DMD: variants seen among roughly 807,000 people sequenced by gnomAD.
DMD encodes the protein mutant dystrophin.
A neutral mutation model predicts 330.1 loss-of-function variants in DMD; 63 were observed. The ratio of observed to expected loss-of-function variants is 0.19; its 90% CI spans 0.16 to 0.24. The LOEUF is 0.24. Ranked by LOEUF, DMD falls within the 10% of genes least tolerant of loss-of-function variation. The pLI is 1.00. For synonymous variants in DMD, 1,223 were observed against 959.8 expected (o/e 1.27, Z -5.07); for missense variants, 3,344 against 2,684.1 (o/e 1.25, Z -5.43).
At chrX:33,081,359 C>T (rs1274693947) in intron 1 of DMD, among the ~76,000 whole-genome samples, 5 of 111,762 alleles carry the variant, frequency 4.5e-5, no homozygotes, top group African/African-American at 1.6e-4. Context: ...CTGCAACCTC[C>T]GCCTCCTGGG....
At chrX:31,617,521 C>T (rs1159392883) in intron 55 of DMD, among the ~76,000 whole-genome samples, 4 of 75,456 alleles carry the variant, frequency 5.3e-5, no homozygotes, top group East Asian at 8.7e-4. Flanking sequence ...GGGACAAGAG[C>T]GAGACTTCGT....
At chrX:33,178,180 C>T (rs909728310) in intron 1 of DMD, among the ~76,000 whole-genome samples, 2 of 110,498 alleles carry the variant, frequency 1.8e-5, no homozygotes, top group East Asian at 2.8e-4. Context: ...CAGAAATATC[C>T]AGTGGGATTT....
intron 45 of DMD, 69 bp from the exon 46 acceptor site, chrX:31,932,296 A>T: frequency 1.2e-6 from 1 of 830,763 alleles, no homozygotes; most frequent in East Asian, 3.2e-5. Context: ...GTTAATGCAA[A>T]CTGGGACACA....
At chrX:32,715,442 AC>A (rs2065602686) in intron 7 of DMD, among the ~76,000 whole-genome samples, 1 of 95,035 alleles carries the variant, frequency 1.1e-5, no homozygotes, top group Non-Finnish European at 2.1e-5. Context: ...GTGCCACTGC[AC>A]ATCAGCCTGG....
chrX:31,270,722 A>G (rs1382915011), intron 62 of DMD, among the ~76,000 whole-genome samples: 1 of 112,039 alleles, frequency 8.9e-6, no homozygotes, highest in Non-Finnish European at 1.9e-5. Flanking sequence ...GAATTAAAGC[A>G]TGAGTGTGGC....
chrX:31,129,430 G>T (rs1196945297), intron 77 of DMD, among the ~76,000 whole-genome samples: 1 of 112,045 alleles, frequency 8.9e-6, no homozygotes, highest in Non-Finnish European at 1.9e-5. Flanking sequence ...CAGCACAGAA[G>T]CCTGTGACTC....
intron 2 of DMD, among the ~76,000 whole-genome samples, chrX:32,864,834 T>C (rs1231343842): frequency 8.9e-6 from 1 of 112,086 alleles, no homozygotes; most frequent in Non-Finnish European, 1.9e-5. Flanking sequence ...CTTAAGGCTA[T>C]ATAAATCAAA....
intron 7 of DMD, among the ~76,000 whole-genome samples, chrX:32,764,611 T>A (rs893133348): frequency 8.9e-6 from 1 of 112,026 alleles, no homozygotes; most frequent in Non-Finnish European, 1.9e-5. Flanking sequence ...CATGCTATAA[T>A]GTGTGTCAGA....
At chrX:32,849,481 A>G (rs1198789462) in intron 3 of DMD, among the ~76,000 whole-genome samples, 1 of 112,184 alleles carries the variant, frequency 8.9e-6, no homozygotes, top group Non-Finnish European at 1.9e-5. Context: ...TTGATAAGAT[A>G]GATACCAAGT....
intron 26 of DMD, among the ~76,000 whole-genome samples, chrX:32,450,747 G>C (rs1446064384): frequency 9.0e-6 from 1 of 110,791 alleles, no homozygotes; most frequent in Non-Finnish European, 1.9e-5. Flanking sequence ...GCATGCTGTA[G>C]TCAGTCTAAT....
At chrX:31,288,759 G>A (rs2053426902) in intron 62 of DMD, among the ~76,000 whole-genome samples, 1 of 111,701 alleles carries the variant, frequency 9.0e-6, no homozygotes, top group Admixed American at 9.5e-5. Flanking sequence ...ATAGACTTCA[G>A]TTCAAAATGC....
At chrX:32,864,391 C>T (rs1451600716) in intron 2 of DMD, among the ~76,000 whole-genome samples, 1 of 112,374 alleles carries the variant, frequency 8.9e-6, no homozygotes, top group African/African-American at 3.2e-5. Flanking sequence ...TTAAGCTGGG[C>T]TTGACTATCA....
chrX:31,850,684 A>C (rs1371414575), intron 48 of DMD, among the ~76,000 whole-genome samples: 1 of 112,709 alleles, frequency 8.9e-6, no homozygotes, highest in Non-Finnish European at 1.9e-5. Flanking sequence ...TTCTAGAATG[A>C]AAAGACCTTA....
chrX:32,210,387 G>C (rs903647014), intron 44 of DMD, among the ~76,000 whole-genome samples: 1 of 111,083 alleles, frequency 9.0e-6, no homozygotes, highest in African/African-American at 3.3e-5. Flanking sequence ...TTAACGTTAG[G>C]GTCCCAGTGA....
chrX:32,826,471 C>T (rs1321360310), intron 4 of DMD, among the ~76,000 whole-genome samples: 1 of 111,248 alleles, frequency 9.0e-6, no homozygotes, highest in East Asian at 2.8e-4. Flanking sequence ...AAAGAAAATG[C>T]AGGTATACAG....
intron 23 of DMD, among the ~76,000 whole-genome samples, chrX:32,465,585 T>TC (rs2098399480): frequency 4.0e-5 from 3 of 75,506 alleles, no homozygotes; most frequent in African/African-American, 1.5e-4. Flanking sequence ...GTTTTTTGTT[T>TC]TTTTTTTTTT....
At chrX:32,886,309 G>A (rs2084557961) in intron 2 of DMD, among the ~76,000 whole-genome samples, 1 of 109,317 alleles carries the variant, frequency 9.1e-6, no homozygotes, top group African/African-American at 3.3e-5. Context: ...TTCTTGGTGG[G>A]CAGTGTAAAC....
intron 36 of DMD, 27 bp downstream of exon 36, chrX:32,364,555 C>T (rs1416464536): frequency 2.5e-6 from 3 of 1,204,956 alleles, no homozygotes; most frequent in Non-Finnish European, 3.4e-6. Context: ...ACAATTTGGA[C>T]ATTACTTTTC....
In DMD at chrX:32,367,517, G is replaced by T. The variant is rs757361155; in HGVS notation, c.4846-2318C>A. Among the ~76,000 whole-genome samples, 3 of 112,350 alleles carry T rather than the reference G, an allele frequency of 2.7e-5. No individual in the cohort carries two copies. The South Asian group carries it at 1.1e-3, about 41-fold the overall frequency. On this transcript the variant is annotated intron_variant, in intron 34 of 78. Coordinates refer to ENST00000357033, the MANE Select transcript of DMD (RefSeq NM_004006.3). ...CTATATTTTAGCATCAATGTAAAAA[G>T]TTATTGTGTACATAGATTTTGTTTC... is the stretch of plus-strand genomic sequence containing the variant.
Sources: gnomAD v4.1 joint callset for allele counts (sites outside exome capture counted in the v4.1 genomes callset) on GRCh38, gnomAD v4.1.1 for gene constraint, MANE v1.5 for transcripts, NCBI Gene and HGNC (gene_info 2026-07-23, HGNC 2026-07-21) for gene names.